Variants in SLCO1B3 observed in about 807,000 individuals in gnomAD.
The protein encoded by SLCO1B3 is solute carrier organic anion transporter family member 1B3, also known as liver-specific organic anion transporter 2.
In SLCO1B3, 72 loss-of-function variants were observed where a neutral mutation model predicts 71.8. The observed-to-expected ratio is 1.00, with a 90% CI of 0.83 to 1.22. SLCO1B3 has a LOEUF of 1.22. Ranked by LOEUF, SLCO1B3 falls within the 50% of genes most tolerant of loss-of-function variation. SLCO1B3 has a pLI of 0.00. For missense variants in SLCO1B3, 911 were observed against 819.7 expected (o/e 1.11, Z -1.36); for synonymous variants, 298 against 278.4 (o/e 1.07, Z -0.70).
chr12:20,854,098 T>C (rs1220100289), intron 3 of SLCO1B3, among the ~76,000 whole-genome samples: 3 of 152,152 alleles, frequency 2.0e-5, no homozygotes, highest in Non-Finnish European at 4.4e-5. Flanking sequence ...CATTTTTAAT[T>C]TGTTAAGATT....
chr12:20,831,668 C>G (rs1215452200), intron 3 of SLCO1B3, among the ~76,000 whole-genome samples: 1 of 152,032 alleles, frequency 6.6e-6, no homozygotes, highest in Non-Finnish European at 1.5e-5. Context: ...TTTGGGACAT[C>G]AAACTATCAA....
intron 3 of SLCO1B3, among the ~76,000 whole-genome samples, chr12:20,846,306 T>C (rs1199438265): frequency 1.3e-5 from 2 of 152,218 alleles, no homozygotes; most frequent in African/African-American, 4.8e-5. Context: ...CACATTTTCC[T>C]GGACCTTCAC....
At chr12:20,826,463 T>C (rs1864423953) in intron 3 of SLCO1B3, among the ~76,000 whole-genome samples, 1 of 152,144 alleles carries the variant, frequency 6.6e-6, no homozygotes, top group Admixed American at 6.5e-5. Context: ...TAACCAATTC[T>C]TTAGTGAATT....
At chr12:20,890,062 C>A (rs1003873960) in intron 13 of SLCO1B3, among the ~76,000 whole-genome samples, 2 of 151,840 alleles carry the variant, frequency 1.3e-5, no homozygotes, top group Non-Finnish European at 2.9e-5. Context: ...GGATTAAAGA[C>A]CTGTGCCACC....
At chr12:20,831,326 C>T (rs1322603186) in intron 3 of SLCO1B3, among the ~76,000 whole-genome samples, 2 of 142,404 alleles carry the variant, frequency 1.4e-5, no homozygotes, top group Non-Finnish European at 3.0e-5. Flanking sequence ...CACTCCACTC[C>T]AGGCTGGGTG....
chr12:20,847,504 C>T (rs1864941997), intron 3 of SLCO1B3, among the ~76,000 whole-genome samples: 1 of 151,672 alleles, frequency 6.6e-6, no homozygotes, highest in Non-Finnish European at 1.5e-5. Context: ...CTGTGTTGGC[C>T]CCTTGATCTC....
chr12:20,872,097 C>G (rs965110125), intron 8 of SLCO1B3, among the ~76,000 whole-genome samples: 2 of 152,008 alleles, frequency 1.3e-5, no homozygotes, highest in African/African-American at 4.8e-5. Flanking sequence ...ACCCAAACCA[C>G]AGCACAAAGT....
At chr12:20,815,437 A>G (rs1591738489) in intron 2 of SLCO1B3, among the ~76,000 whole-genome samples, 1 of 152,082 alleles carries the variant, frequency 6.6e-6, no homozygotes, top group Non-Finnish European at 1.5e-5. Flanking sequence ...CTTGTTTCAA[A>G]TTTCTCTCTA....
Position 20,862,856 on chromosome 12 carries a change from T to A in SLCO1B3, c.727+2T>A, listed in dbSNP as rs1865298540. ...TGGATATTGGATATGTAGATCTGAG[T>A]AAGTACAATTAGAACAAGGTACCAT... On this transcript the variant is annotated splice_donor_variant, in intron 8 of 15. Transcript: ENST00000381545. LOFTEE classifies it high-confidence loss of function. 3 of 1,499,724 alleles carry A rather than the reference T, an allele frequency of 2.0e-6. No homozygotes were observed. Among genetic ancestry groups the A allele is most frequent in the Non-Finnish European group, 2.8e-6 (3 of 1,077,268 alleles). 92.9% of individuals were successfully genotyped at this position (1,499,724 alleles called of 1,614,324 possible).
intron 3 of SLCO1B3, among the ~76,000 whole-genome samples, chr12:20,819,739 A>G (rs1281680219): frequency 6.6e-6 from 1 of 152,132 alleles, no homozygotes; most frequent in Non-Finnish European, 1.5e-5. Context: ...CTTTCAAAGC[A>G]TGCTGTAATG....
chr12:20,885,181 C>T (rs1376976576), intron 13 of SLCO1B3, among the ~76,000 whole-genome samples: 1 of 152,052 alleles, frequency 6.6e-6, no homozygotes, highest in Non-Finnish European at 1.5e-5. Context: ...AATTTCTCAC[C>T]TGCCTTTGAT....
At chr12:20,811,519 A>G (rs542872577) in intron 1 of SLCO1B3, among the ~76,000 whole-genome samples, 307 of 152,328 alleles carry the variant, frequency 2.0e-3, no homozygotes, top group African/African-American at 6.9e-3. Context: ...TCAGTTCCAT[A>G]GGTACATGCT....
chr12:20,884,025 T>C (rs1307765968), intron 13 of SLCO1B3, among the ~76,000 whole-genome samples: 1 of 152,224 alleles, frequency 6.6e-6, no homozygotes, highest in African/African-American at 2.4e-5. Flanking sequence ...AATGAAATTC[T>C]AATGCTTTCA....
At chr12:20,852,798 TA>T (rs1004336288) in intron 3 of SLCO1B3, among the ~76,000 whole-genome samples, 10 of 152,208 alleles carry the variant, frequency 6.6e-5, no homozygotes, top group South Asian at 2.1e-4. Context: ...GCAACTTTGC[TA>T]AATGTGTTTA....
intron 3 of SLCO1B3, among the ~76,000 whole-genome samples, chr12:20,826,738 C>G (rs1864431887): frequency 6.6e-6 from 1 of 151,680 alleles, no homozygotes; most frequent in South Asian, 2.1e-4. Context: ...TTCCCTTCAG[C>G]TTTTCTTACC....
chr12:20,856,327 T>C (rs921904182), intron 4 of SLCO1B3, among the ~76,000 whole-genome samples: 2 of 152,176 alleles, frequency 1.3e-5, no homozygotes, highest in African/African-American at 4.8e-5. Context: ...CCTTCATGTA[T>C]AGATGACCCT....
intron 15 of SLCO1B3, among the ~76,000 whole-genome samples, chr12:20,904,238 T>TA (rs71043217): frequency 0.99 from 141,508 of 143,300 alleles, 69,867 homozygotes; most frequent in Non-Finnish European, 0.99. Flanking sequence ...AGACTCTGTC[T>TA]AAAAAAAAAA....
At chr12:20,826,395 A>T (rs1489671347) in intron 3 of SLCO1B3, among the ~76,000 whole-genome samples, 2 of 152,262 alleles carry the variant, frequency 1.3e-5, no homozygotes, top group East Asian at 1.9e-4. Flanking sequence ...GGGTTAAAAA[A>T]TTAAAATCTC....
At chr12:20,879,296 C>A (rs1042258817) in intron 10 of SLCO1B3, 140 bp from the exon 11 acceptor site, 20 of 524,968 alleles carry the variant, frequency 3.8e-5, no homozygotes, top group African/African-American at 3.2e-4. Flanking sequence ...GCAAGCTCCG[C>A]CTCCCAGGTT....
Sources: allele counts gnomAD v4.1 joint callset (sites outside exome capture counted in the v4.1 genomes callset), GRCh38; gene constraint gnomAD v4.1.1; transcripts MANE v1.5; gene names NCBI Gene and HGNC (gene_info 2026-07-23, HGNC 2026-07-21).